The following GTF2F2 variants were observed in gnomAD, a reference collection of about 807,000 sequenced individuals.
The protein encoded by GTF2F2 is general transcription factor IIF subunit 2.
A neutral mutation model predicts 42.2 loss-of-function variants in GTF2F2; 23 were observed. The ratio of observed to expected loss-of-function variants is 0.55; its 90% CI spans 0.39 to 0.77. GTF2F2 has a LOEUF of 0.77. Ranked by LOEUF, GTF2F2 falls within the 30% of genes least tolerant of loss-of-function variation. The pLI is 0.00. For missense variants in GTF2F2, 261 were observed against 287.2 expected, an observed-to-expected ratio of 0.91 and a Z score of 0.66; for synonymous variants, 105 against 100.8, an observed-to-expected ratio of 1.04 and a Z score of -0.25.
intron 4 of GTF2F2, among the ~76,000 whole-genome samples, chr13:45,182,871 C>G (rs1872232124): frequency 6.6e-6 from 1 of 152,054 alleles, no homozygotes; most frequent in South Asian, 2.1e-4. Context: ...GGTTGAGGCC[C>G]CACAAGTCTC....
intron 5 of GTF2F2, among the ~76,000 whole-genome samples, chr13:45,235,227 A>G (rs1165971148): frequency 8.6e-5 from 13 of 151,992 alleles, no homozygotes; most frequent in Admixed American, 5.2e-4. Context: ...TTAATTTATT[A>G]TATTACCGGT....
chr13:45,274,626 A>G (rs539109944), intron 7 of GTF2F2, among the ~76,000 whole-genome samples: 5 of 152,074 alleles, frequency 3.3e-5, no homozygotes, highest in African/African-American at 9.6e-5. Flanking sequence ...ACCACGCCCG[A>G]CCAAATTATA....
intron 4 of GTF2F2, 33 bp downstream of exon 4, chr13:45,151,864 C>T: frequency 1.9e-6 from 2 of 1,054,170 alleles, no homozygotes; most frequent in South Asian, 4.2e-5. Context: ...AATGTGATTC[C>T]TGTACATTTT....
chr13:45,131,891 C>T (rs1391220945), intron 1 of GTF2F2, among the ~76,000 whole-genome samples: 30 of 117,432 alleles, frequency 2.6e-4, no homozygotes, highest in African/African-American at 1.1e-3. Context: ...GAATGAGACC[C>T]TGTCTCAAAA....
At chr13:45,160,134 T>G (rs1870964667) in intron 4 of GTF2F2, among the ~76,000 whole-genome samples, 1 of 152,210 alleles carries the variant, frequency 6.6e-6, no homozygotes. Flanking sequence ...GTGCTAACAT[T>G]TTTATTTAAA....
chr13:45,211,673 C>T (rs764072130), intron 5 of GTF2F2, among the ~76,000 whole-genome samples: 48 of 150,814 alleles, frequency 3.2e-4, no homozygotes, highest in Non-Finnish European at 6.1e-4. Flanking sequence ...CCGCAACCTC[C>T]GCCTCCTGGG....
At chr13:45,124,536 T>G (rs888282494) in intron 1 of GTF2F2, among the ~76,000 whole-genome samples, 5 of 151,730 alleles carry the variant, frequency 3.3e-5, no homozygotes, top group African/African-American at 1.2e-4. Flanking sequence ...TTTTGTATTT[T>G]TAGTAGAGAT....
chr13:45,211,028 T>TA (rs1873610277), intron 5 of GTF2F2, among the ~76,000 whole-genome samples: 1 of 152,308 alleles, frequency 6.6e-6, no homozygotes, highest in Non-Finnish European at 1.5e-5. Flanking sequence ...TTAATGAACT[T>TA]ACTTCAGACT....
At chr13:45,149,860 GTGTT>G (rs1870398443) in intron 3 of GTF2F2, 72 bp downstream of exon 3, 18 of 1,390,858 alleles carry the variant, frequency 1.3e-5, no homozygotes, top group Admixed American at 2.7e-5. Flanking sequence ...TGAAAAAAGA[GTGTT>G]TGAATTTTGG....
intron 5 of GTF2F2, among the ~76,000 whole-genome samples, chr13:45,245,760 C>T (rs1422613394): frequency 3.4e-5 from 5 of 146,310 alleles, no homozygotes; most frequent in African/African-American, 9.9e-5. Flanking sequence ...TTTGTATCCA[C>T]TCTTTTTTGT....
chr13:45,167,416 T>TTTTTG, intron 4 of GTF2F2, among the ~76,000 whole-genome samples: 1 of 146,712 alleles, frequency 6.8e-6, no homozygotes, highest in African/African-American at 2.5e-5. Flanking sequence ...TTTTTTTTTT[T>TTTTTG]GAGATAGAGC....
chr13:45,232,089 A>T (rs1024962876), intron 5 of GTF2F2, among the ~76,000 whole-genome samples: 2 of 152,326 alleles, frequency 1.3e-5, no homozygotes, highest in East Asian at 3.9e-4. Context: ...TAGTCATAGG[A>T]TTACAGAAAT....
chr13:45,247,575 A>C (rs1032492961), intron 5 of GTF2F2, among the ~76,000 whole-genome samples: 1 of 151,256 alleles, frequency 6.6e-6, no homozygotes, highest in East Asian at 2.0e-4. Context: ...TGTATTTTCA[A>C]TAGAGACAGG....
chr13:45,242,368 T>A (rs1285518052), intron 5 of GTF2F2, among the ~76,000 whole-genome samples: 1 of 151,494 alleles, frequency 6.6e-6, no homozygotes, highest in Non-Finnish European at 1.5e-5. Flanking sequence ...CTGTGAAAAC[T>A]TTTTTCCTCC....
At chr13:45,192,898 T>G (rs1203068880) in intron 4 of GTF2F2, 1 of 152,152 alleles carries the variant, frequency 6.6e-6, no homozygotes, top group African/African-American at 2.4e-5. Context: ...GATACTCTAT[T>G]GAGACTAAGT....
Position 45,279,660 on chromosome 13 carries a change from C to T in GTF2F2, c.631-3782C>T, listed in dbSNP as rs187008624. Among the ~76,000 whole-genome samples, 750 of 152,242 alleles carry T rather than the reference C, an allele frequency of 4.9e-3. 3 individuals carry two copies. Among genetic ancestry groups the T allele is most frequent in the Non-Finnish European group, 7.7e-3 (524 of 68,016 alleles). On this transcript the variant is annotated intron_variant, in intron 7 of 7. Coordinates refer to ENST00000340473, the MANE Select transcript of GTF2F2 (RefSeq NM_004128.3). ...CGGTGGCTCATGCCTGTAATCCTAG[C>T]GCTTTGGGAGGCCGAGGCGGGTGGA... is the stretch of plus-strand genomic sequence containing the variant.
chr13:45,153,976 CAAAAAAAAAAAAA>C (rs71070960), intron 4 of GTF2F2, among the ~76,000 whole-genome samples: 12 of 71,478 alleles, frequency 1.7e-4, no homozygotes, highest in South Asian at 6.6e-4. Context: ...GACTCAGTCT[CAAAAAAAAAAAAA>C]AAAAAAAAAA....
chr13:45,272,424 T>TAAAAAA (rs11393681), intron 7 of GTF2F2, among the ~76,000 whole-genome samples: 3 of 99,626 alleles, frequency 3.0e-5, no homozygotes, highest in African/African-American at 1.1e-4. Flanking sequence ...TTTGGCTCTT[T>TAAAAAA]AAAAAAAAAA....
chr13:45,126,850 A>G (rs1869031637), intron 1 of GTF2F2, among the ~76,000 whole-genome samples: 1 of 152,234 alleles, frequency 6.6e-6, no homozygotes, highest in African/African-American at 2.4e-5. Context: ...GGTTTCCTTG[A>G]GGAAATAATG....
Sources: gnomAD v4.1 joint callset for allele counts (sites outside exome capture counted in the v4.1 genomes callset) on GRCh38, gnomAD v4.1.1 for gene constraint, MANE v1.5 for transcripts, NCBI Gene and HGNC (gene_info 2026-07-23, HGNC 2026-07-21) for gene names.